The following C2orf66 variants were observed in gnomAD, a reference collection of about 807,000 sequenced individuals.
The protein encoded by C2orf66 is uncharacterized protein C2orf66.
C2orf66 carries 6 observed loss-of-function variants against 7.0 expected under a neutral mutation model. The ratio of observed to expected loss-of-function variants is 0.86; its 90% CI spans 0.47 to 1.69. C2orf66 has a LOEUF of 1.69. C2orf66 is among the 40% of genes most tolerant of loss of function. The pLI is 0.01. For missense variants in C2orf66, 107 were observed against 112.0 expected, an observed-to-expected ratio of 0.96 and a Z score of 0.20; for synonymous variants, 38 against 43.8, an observed-to-expected ratio of 0.87 and a Z score of 0.52.
At chr2:196,826,695 A>C in the C2orf66 span, among the ~76,000 whole-genome samples, 44 of 152,260 alleles carry the variant, frequency 2.9e-4, no homozygotes, top group African/African-American at 1.0e-3. Context: ...ATATACTTTA[A>C]AATGGTTAAG....
chr2:196,824,039 T>C, the C2orf66 span, among the ~76,000 whole-genome samples: 1 of 152,138 alleles, frequency 6.6e-6, no homozygotes, highest in Admixed American at 6.6e-5. Context: ...GACATACCAT[T>C]AGAAACAATT....
At chr2:196,808,427 C>G (rs898863759) in intron 1 of C2orf66, among the ~76,000 whole-genome samples, 3 of 152,108 alleles carry the variant, frequency 2.0e-5, no homozygotes, top group Non-Finnish European at 2.9e-5. Flanking sequence ...TGTCATGGCA[C>G]TGAGGGGAGG....
At chr2:196,822,444 C>G in the C2orf66 span, among the ~76,000 whole-genome samples, 16 of 152,222 alleles carry the variant, frequency 1.1e-4, no homozygotes, top group African/African-American at 3.6e-4. Context: ...TGAGAAATCT[C>G]AGAACCTGCT....
chr2:196,810,647 T>C (rs1318439814), upstream of C2orf66, among the ~76,000 whole-genome samples: 1 of 152,226 alleles, frequency 6.6e-6, no homozygotes, highest in African/African-American at 2.4e-5. Context: ...GACAAGATAT[T>C]TATTCAGAAG....
At position 196,809,303 on chromosome 2, in the gene C2orf66, C is replaced by A. The variant is rs764173375; in HGVS notation, c.34G>T (p.Ala12Ser). Residue 12 changes from alanine to serine, a missense_variant, in exon 1 of 3, where the codon GCC becomes TCC. Physicochemically the swap from Ala to Ser is moderately conservative, Grantham distance 99. Coordinates refer to ENST00000342506, the MANE Select transcript of C2orf66 (RefSeq NM_213608.3). ...TTCACATGCCCAAGCAGCACCAGGG[C>A]AACACATAGTAGCAGGAGAGGTGCT... ...TRAPLLLLCV[A>S]LVLLGHVNGA... The A allele has an allele frequency of 6.2e-7, 1 of 1,614,006 alleles. No homozygotes were observed. Among genetic ancestry groups the A allele is most frequent in the Non-Finnish European group, 8.5e-7 (1 of 1,180,004 alleles).
chr2:196,829,631 C>T, the C2orf66 span, among the ~76,000 whole-genome samples: 1 of 151,282 alleles, frequency 6.6e-6, no homozygotes, highest in Non-Finnish European at 1.5e-5. Context: ...GGTGCAGTGG[C>T]TCACACCTGT....
At chr2:196,811,846 C>T (rs1443992654), upstream of C2orf66, among the ~76,000 whole-genome samples, 1 of 152,112 alleles carries the variant, frequency 6.6e-6, no homozygotes, top group Non-Finnish European at 1.5e-5. Flanking sequence ...GAAATTTTAA[C>T]ATGTAACAGC....
At chr2:196,814,711 A>C in the C2orf66 span, among the ~76,000 whole-genome samples, 5 of 152,246 alleles carry the variant, frequency 3.3e-5, no homozygotes, top group Admixed American at 2.0e-4. Context: ...AAAACAGGAA[A>C]TACTGGCTGA....
the C2orf66 span, among the ~76,000 whole-genome samples, chr2:196,828,943 A>G: frequency 1.3e-5 from 2 of 152,214 alleles, no homozygotes; most frequent in Non-Finnish European, 2.9e-5. Context: ...TGAGCAGAGA[A>G]CAAACACACT....
At chr2:196,823,522 G>C in the C2orf66 span, among the ~76,000 whole-genome samples, 20 of 152,022 alleles carry the variant, frequency 1.3e-4, no homozygotes, top group Non-Finnish European at 4.4e-5. Context: ...TACTTGGGGG[G>C]GCTGAGGCAG....
chr2:196,824,487 A>G, the C2orf66 span, among the ~76,000 whole-genome samples: 1 of 152,296 alleles, frequency 6.6e-6, no homozygotes, highest in East Asian at 1.9e-4. Flanking sequence ...ATTATAGCAT[A>G]TATTTCTGAT....
rs1337862075 is a variant in C2orf66 at position 196,805,287 on chromosome 2, A to G, written c.*141T>C. The G allele has an allele frequency of 6.6e-6, 1 of 152,216 alleles. No homozygotes were observed. The highest frequency in any genetic ancestry group is 2.4e-5 in the African/African-American group (1 of 41,468). 9.4% of individuals were successfully genotyped at this position (152,216 alleles called of 1,614,324 possible). On this transcript the variant is annotated 3_prime_UTR_variant, in exon 3 of 3. Coordinates refer to ENST00000342506, the MANE Select transcript of C2orf66 (RefSeq NM_213608.3). ...TATGTAAATATGGAAATGTGGAATAAAATCATTACAAACTGAAAAATAAAA... is the reference window on the plus strand; with the variant it reads ...TATGTAAATATGGAAATGTGGAATAGAATCATTACAAACTGAAAAATAAAA...
intron 2 of C2orf66, among the ~76,000 whole-genome samples, chr2:196,805,670 AC>A (rs1267116421): frequency 2.0e-5 from 3 of 151,950 alleles, no homozygotes; most frequent in Non-Finnish European, 4.4e-5. Context: ...CTTTTATATT[AC>A]CTCATTCCAT....
intron 1 of C2orf66, 134 bp from the exon 2 acceptor site, chr2:196,807,756 A>T: frequency 1.4e-6 from 1 of 704,914 alleles, no homozygotes; most frequent in South Asian, 1.8e-5. Context: ...AAAATCTAGA[A>T]ATACAAGTAC....
the C2orf66 span, among the ~76,000 whole-genome samples, chr2:196,827,731 T>C: frequency 2.8e-4 from 43 of 152,346 alleles, no homozygotes; most frequent in African/African-American, 1.0e-3. Context: ...TCTAAAGTTC[T>C]TTCTTAATCA....
the C2orf66 span, among the ~76,000 whole-genome samples, chr2:196,817,398 C>T: frequency 6.6e-6 from 1 of 151,962 alleles, no homozygotes; most frequent in African/African-American, 2.4e-5. Context: ...CCATTCCTGG[C>T]TAATTTTTTT....
upstream of C2orf66, chr2:196,809,473 C>A (rs1307545197): frequency 8.0e-7 from 1 of 1,250,784 alleles, no homozygotes. Context: ...ACTGGTTTAT[C>A]TAAGTTTTAC....
At chr2:196,808,483 G>A (rs1699839536) in intron 1 of C2orf66, among the ~76,000 whole-genome samples, 1 of 152,110 alleles carries the variant, frequency 6.6e-6, no homozygotes, top group Admixed American at 6.5e-5. Context: ...CACTTTTGTT[G>A]CCATCTGCTG....
At chr2:196,822,969 T>C in the C2orf66 span, among the ~76,000 whole-genome samples, 1 of 151,224 alleles carries the variant, frequency 6.6e-6, no homozygotes. Context: ...GAATCTTAGA[T>C]AGTTTTCCCT....
Sources: allele counts gnomAD v4.1 joint callset (sites outside exome capture counted in the v4.1 genomes callset), GRCh38; gene constraint gnomAD v4.1.1; transcripts MANE v1.5; gene names NCBI Gene and HGNC (gene_info 2026-07-23, HGNC 2026-07-21).